FREM1: variants seen among roughly 807,000 people sequenced by gnomAD.
FREM1 encodes the protein FRAS1-related extracellular matrix protein 1.
In FREM1, 220 loss-of-function variants were observed where a neutral mutation model predicts 210.1. That is an observed-to-expected ratio of 1.05 (90% CI 0.94 to 1.17). The LOEUF is 1.17. Ranked by LOEUF, FREM1 falls within the 50% of genes most tolerant of loss-of-function variation. The pLI, the probability that FREM1 is intolerant of heterozygous loss-of-function variation, is 0.00. For synonymous variants in FREM1, 1,189 were observed against 980.2 expected, an observed-to-expected ratio of 1.21 and a Z score of -3.98; for missense variants, 3,454 against 2,675.5, an observed-to-expected ratio of 1.29 and a Z score of -6.42.
chr9:14,823,297 T>G lies in FREM1; in HGVS notation c.2200A>C (p.Met734Leu). Residue 734 changes from methionine (M) to leucine (L), a missense_variant, in exon 13 of 37, where the codon ATG becomes CTG. Physicochemically the swap from Met to Leu is conservative, Grantham distance 15. Coordinates refer to ENST00000380880, the MANE Select transcript of FREM1 (RefSeq NM_001379081.2). ...HAVNYMKVAY[M>L]PPMQDIGPHC... ...GGACCAATGTCTTGCATGGGGGGCA[T>G]GTAGGCCACTTTCATATAGTTCACA... 1 of 1,613,942 alleles carries G rather than the reference T, an allele frequency of 6.2e-7. No homozygotes were observed. Among genetic ancestry groups the G allele is most frequent in the African/African-American group, 1.3e-5 (1 of 75,040 alleles).
chr9:14,861,616 C>G (rs1403205360), intron 3 of FREM1, among the ~76,000 whole-genome samples: 1 of 150,488 alleles, frequency 6.6e-6, no homozygotes, highest in East Asian at 2.0e-4. Context: ...AAGAGATTCT[C>G]CTGCCTTAGC....
At position 14,748,602 on chromosome 9, in the gene FREM1, C is replaced by G; in HGVS notation, c.5595G>C (p.Lys1865Asn). The G allele has an allele frequency of 6.2e-7, 1 of 1,613,600 alleles. No homozygotes were observed. ...CHPSYSSNQS[K>N]HSTWEKGIWH... ...AAATGCCCTTCTCCCATGTGCTGTG[C>G]TTGCTTTGGTTGGAGGAATATGAAG... The change falls in exon 31 of 37, where the codon AAG becomes AAC. Residue 1865 changes from lysine to asparagine, a missense_variant. Coordinates refer to ENST00000380880, the MANE Select transcript of FREM1 (RefSeq NM_001379081.2).
intron 24 of FREM1, 98 bp from the exon 25 acceptor site, chr9:14,776,301 G>A: frequency 7.5e-7 from 1 of 1,328,388 alleles, no homozygotes; most frequent in Non-Finnish European, 9.9e-7. Context: ...AAAGGGTATT[G>A]TCGTGTTGTG....
intron 1 of FREM1, among the ~76,000 whole-genome samples, chr9:14,879,797 CAT>C (rs754022714): frequency 1.6e-4 from 24 of 152,030 alleles, no homozygotes; most frequent in African/African-American, 5.1e-4. Flanking sequence ...TAGATGGAGA[CAT>C]GTGTTGTATT....
chr9:14,792,271 C>T (rs963865234), intron 22 of FREM1, among the ~76,000 whole-genome samples: 3 of 93,894 alleles, frequency 3.2e-5, no homozygotes, highest in Non-Finnish European at 4.5e-5. Context: ...CACACACACA[C>T]GCACACACAC....
chr9:14,804,871 G>A, intron 19 of FREM1, 85 bp downstream of exon 19: 1 of 954,630 alleles, frequency 1.0e-6, no homozygotes, highest in East Asian at 2.4e-5. Flanking sequence ...ATGTGTTAAT[G>A]CACTTGGAGC....
chr9:14,825,561 A>ATATATATG (rs1554685338), intron 10 of FREM1, among the ~76,000 whole-genome samples: 18,903 of 128,532 alleles, frequency 0.15, 2,165 homozygotes, highest in Middle Eastern at 0.22. Flanking sequence ...ATATATATAT[A>ATATATATG]TATATATATA....
At chr9:14,807,295 G>A (rs543847119) in intron 17 of FREM1, among the ~76,000 whole-genome samples, 5 of 152,288 alleles carry the variant, frequency 3.3e-5, no homozygotes, top group Admixed American at 2.0e-4. Flanking sequence ...AATTGCCTGA[G>A]AGCTATTATG....
rs1204062216 is a variant in FREM1 at position 14,780,301 on chromosome 9, G to C, written c.4442+4069C>G. 1.3e-5 allele frequency among the ~76,000 whole-genome samples: 2 copies of C among 151,962 alleles called. 1 individual carries two copies. The highest frequency in any genetic ancestry group is 1.3e-4 in the Admixed American group (2 of 15,254). ...CAGATTTGACTGGGGTGCCTGCCTG[G>C]TCTGATTTCACCATTACCACGGTGC... On this transcript the variant is annotated intron_variant, in intron 24 of 36. Transcript: ENST00000380880.
chr9:14,894,378 C>A (rs1837342688), intron 1 of FREM1, among the ~76,000 whole-genome samples: 1 of 152,188 alleles, frequency 6.6e-6, no homozygotes, highest in Non-Finnish European at 1.5e-5. Flanking sequence ...TTTTATCATC[C>A]ACTGACAATT....
intron 24 of FREM1, 112 bp from the exon 25 acceptor site, chr9:14,776,315 C>T: frequency 8.0e-7 from 1 of 1,251,054 alleles, no homozygotes; most frequent in African/African-American, 1.5e-5. Flanking sequence ...TGTTGTGACT[C>T]AAATGAAAAA....
rs552922213 is a variant in FREM1 at position 14,833,966 on chromosome 9, T to G, written c.1881+7481A>C. ...AGTTGGGGGGGATCCTCTGTTTTCCTCATAAAACCCCAGGAATTAAAAGGA... is the reference window on the plus strand; with the variant it reads ...AGTTGGGGGGGATCCTCTGTTTTCCGCATAAAACCCCAGGAATTAAAAGGA... On this transcript the variant is annotated intron_variant, in intron 10 of 36. Coordinates refer to ENST00000380880, the MANE Select transcript of FREM1 (RefSeq NM_001379081.2). Among the ~76,000 whole-genome samples, 11 of 152,296 alleles carry G rather than the reference T, an allele frequency of 7.2e-5. No individual in the cohort carries two copies. The East Asian group carries it at 1.9e-3, about 27-fold the overall frequency.
chr9:14,762,370 C>T (rs990447161), intron 27 of FREM1, among the ~76,000 whole-genome samples: 5 of 152,180 alleles, frequency 3.3e-5, no homozygotes, highest in African/African-American at 1.2e-4. Flanking sequence ...CTAATGCTAA[C>T]CATGACAAGT....
chr9:14,829,810 T>C (rs977180171), intron 10 of FREM1, among the ~76,000 whole-genome samples: 3 of 152,234 alleles, frequency 2.0e-5, no homozygotes, highest in South Asian at 4.1e-4. Flanking sequence ...TTTCCAACTC[T>C]ATTCTACTTG....
chr9:14,859,409 G>C lies in FREM1; in HGVS notation c.405C>G (p.Ile135Met), dbSNP rs368095399. 8 of 1,613,676 alleles carry C rather than the reference G, an allele frequency of 5.0e-6. No homozygotes were observed. The highest frequency in any genetic ancestry group is 6.8e-6 in the Non-Finnish European group (8 of 1,179,594). The change falls in exon 4 of 37, where the codon ATC (isoleucine) becomes ATG (methionine). Residue 135 changes from isoleucine (I) to methionine (M), a missense_variant. Coordinates refer to ENST00000380880, the MANE Select transcript of FREM1 (RefSeq NM_001379081.2). ...VYLLEPDCNI[I>M]HMSNNVLEVP... The stretch of plus-strand genomic sequence containing the variant: ...CCTCCAGCACATTGTTACTCATATG[G>C]ATGATGTTACAGTCTGGTTCCAGGA...
intron 10 of FREM1, among the ~76,000 whole-genome samples, chr9:14,827,266 T>C (rs1295589293): frequency 2.0e-5 from 3 of 152,100 alleles, no homozygotes; most frequent in African/African-American, 7.2e-5. Context: ...TCTGATAAGG[T>C]CTTAGATGGA....
rs547779159 is a variant in FREM1, at chr9:14,868,988, C to A, written c.-11G>T. The A allele has an allele frequency of 2.0e-5, 30 of 1,531,964 alleles. No homozygotes were observed. In the South Asian group the frequency reaches 3.4e-4, roughly 18 times the overall value. The allele number at this position is 1,531,964 out of a possible 1,614,324, so 94.9% of individuals were successfully genotyped here. On this transcript the variant is annotated 5_prime_UTR_variant, in exon 2 of 37. Coordinates refer to ENST00000380880, the MANE Select transcript of FREM1 (RefSeq NM_001379081.2). ...ACTCAGAGAGTTCATGCTGACAGGG[C>A]CCAACTCTTCTCTGTCCACCGGCGA...
intron 19 of FREM1, among the ~76,000 whole-genome samples, chr9:14,803,083 C>T (rs755020449): frequency 5.0e-5 from 7 of 138,886 alleles, no homozygotes; most frequent in Non-Finnish European, 1.1e-4. Context: ...CTCTTTCCTT[C>T]CTTCCTCTCT....
intron 3 of FREM1, among the ~76,000 whole-genome samples, chr9:14,861,276 T>TAC (rs1384157594): frequency 0.019 from 1,680 of 89,168 alleles, 473 homozygotes; most frequent in African/African-American, 0.12. Context: ...TACACATATA[T>TAC]ACATATATAC....
Sources: gnomAD v4.1 joint callset for allele counts (sites outside exome capture counted in the v4.1 genomes callset) on GRCh38, gnomAD v4.1.1 for gene constraint, MANE v1.5 for transcripts, NCBI Gene and HGNC (gene_info 2026-07-23, HGNC 2026-07-21) for gene names.